The following CCAR1 variants were observed in gnomAD, a reference collection of about 807,000 sequenced individuals.
The protein encoded by CCAR1 is cell division cycle and apoptosis regulator 1, also known as cell division cycle and apoptosis regulator protein 1.
In CCAR1, 78 loss-of-function variants were observed where a neutral mutation model predicts 163.8. That is an observed-to-expected ratio of 0.48 (90% CI 0.40 to 0.57). CCAR1 has a LOEUF of 0.57. CCAR1 is among the 20% of genes least tolerant of loss of function. CCAR1 has a pLI of 0.00. For missense variants in CCAR1, 1,019 were observed against 1,365.2 expected, an observed-to-expected ratio of 0.75 and a Z score of 4.00; for synonymous variants, 443 against 460.7, an observed-to-expected ratio of 0.96 and a Z score of 0.49.
intron 2 of CCAR1, 86 bp from the exon 3 acceptor site, chr10:68,736,790 G>A (rs990528702): frequency 6.2e-6 from 7 of 1,128,308 alleles, no homozygotes; most frequent in East Asian, 5.0e-5. Flanking sequence ...ATGGGGGTGC[G>A]GGTATCTCTT....
chr10:68,730,526 C>T (rs2056022720), intron 2 of CCAR1, among the ~76,000 whole-genome samples: 1 of 150,876 alleles, frequency 6.6e-6, no homozygotes, highest in Non-Finnish European at 1.5e-5. Flanking sequence ...TTAGTAGAGA[C>T]AGGGTTTCAC....
chr10:68,742,036 T>C (rs949935101), intron 5 of CCAR1, among the ~76,000 whole-genome samples: 1 of 152,202 alleles, frequency 6.6e-6, no homozygotes, highest in Non-Finnish European at 1.5e-5. Context: ...CATAACACAT[T>C]ACTAGTATCT....
At chr10:68,722,645 C>G in intron 2 of CCAR1, 68 bp downstream of exon 2, 2 of 1,250,170 alleles carry the variant, frequency 1.6e-6, no homozygotes, top group Non-Finnish European at 2.3e-6. Flanking sequence ...TGAATTAGGG[C>G]CGGGGGTGGT....
chr10:68,729,611 G>A lies in CCAR1; in HGVS notation c.73+7034G>A, dbSNP rs1231285524. 4.0e-5 allele frequency among the ~76,000 whole-genome samples: 6 copies of A among 151,546 alleles called. 1 individual carries two copies. In the South Asian group the frequency reaches 6.2e-4, roughly 16 times the overall value. ...GTAATCCTAGCGCTTTGAGAGGGTC[G>A]CTTGATTCCAGGAGTTTGAGACCAA... On this transcript the variant is annotated intron_variant, in intron 2 of 24. Transcript: ENST00000265872.
In CCAR1 at chr10:68,768,113, G is replaced by A. The variant is rs1283880447; in HGVS notation, c.2298+2034G>A. ...AAGGTCATTGTTTACCAACTGGTAAGATGAAAATCAAGGATGACTAGAGAC... is the reference window on the plus strand; with the variant it reads ...AAGGTCATTGTTTACCAACTGGTAAAATGAAAATCAAGGATGACTAGAGAC... On this transcript the variant is annotated intron_variant, in intron 17 of 24. Coordinates refer to ENST00000265872, the MANE Select transcript of CCAR1 (RefSeq NM_018237.4). 4.6e-5 allele frequency among the ~76,000 whole-genome samples: 7 copies of A among 152,288 alleles called. No homozygotes were observed. In the East Asian group the frequency reaches 1.2e-3, roughly 25 times the overall value.
intron 15 of CCAR1, among the ~76,000 whole-genome samples, chr10:68,758,536 GTGTGTGTGTA>G: frequency 6.8e-6 from 1 of 147,096 alleles, no homozygotes; most frequent in East Asian, 2.0e-4. Flanking sequence ...GTGTGTGTGT[GTGTGTGTGTA>G]TACAGTGTAT....
chr10:68,772,865 C>T (rs2056620364), intron 18 of CCAR1, 123 bp from the exon 19 acceptor site: 1 of 426,260 alleles, frequency 2.3e-6, no homozygotes, highest in South Asian at 4.2e-5. Context: ...AATCCTAGCC[C>T]TTCAGAAGGC....
intron 2 of CCAR1, among the ~76,000 whole-genome samples, chr10:68,726,427 A>C (rs1394853014): frequency 1.3e-5 from 2 of 152,074 alleles, no homozygotes; most frequent in Non-Finnish European, 2.9e-5. Flanking sequence ...CTGGGATTAC[A>C]GGCGTGAGCC....
At chr10:68,758,633 ATATATACACACGTG>A (rs1564541711) in intron 15 of CCAR1, among the ~76,000 whole-genome samples, 7 of 112,196 alleles carry the variant, frequency 6.2e-5, no homozygotes, top group East Asian at 2.3e-4. Flanking sequence ...ATATATATGT[ATATATACACACGTG>A]TATATATATA....
In CCAR1 at chr10:68,737,025, G is replaced by A; in HGVS notation, c.223G>A (p.Ala75Thr). 1 of 1,613,334 alleles carries A rather than the reference G, an allele frequency of 6.2e-7. No individual in the cohort carries two copies. The highest frequency in any genetic ancestry group is 8.5e-7 in the Non-Finnish European group (1 of 1,179,480). Residue 75 changes from alanine (A) to threonine (T), a missense_variant, in exon 3 of 25, where the codon GCT becomes ACT. Physicochemically the swap from Ala to Thr is moderately conservative, Grantham distance 58 (BLOSUM62 0). Around this residue, in one of 4 missense-constraint regions of CCAR1, gnomAD observed 644 missense variants for 904.4 expected, o/e 0.71. Coordinates refer to ENST00000265872, the MANE Select transcript of CCAR1 (RefSeq NM_018237.4). ...QTAALQQQAAAAAAALQQQYS... is the reference protein window; with the variant it reads ...QTAALQQQAATAAAALQQQYS... ...TGCTGCATTGCAGCAACAAGCCGCA[G>A]CTGCAGCAGCTGCATTACAACAGGT... is the stretch of plus-strand genomic sequence containing the variant.
chr10:68,742,584 G>A lies in CCAR1; in HGVS notation c.518+15G>A. The A allele has an allele frequency of 6.3e-7, 1 of 1,590,216 alleles. No individual in the cohort carries two copies. The highest frequency in any genetic ancestry group is 1.1e-5 in the South Asian group (1 of 89,940). On this transcript the variant is annotated intron_variant, in intron 6 of 24. Coordinates refer to ENST00000265872, the MANE Select transcript of CCAR1 (RefSeq NM_018237.4). ...TTTCAGCTTAGGTAAACTTAATGAG[G>A]TCTTGTCACATGGCTTCTTGCATTT...
In CCAR1 at chr10:68,786,736, A is replaced by G. The variant is rs759852704; in HGVS notation, c.2880+44A>G. Reference sequence around the variant, plus strand: ...ATTTAAAAGGAAAACATTTTTTAAAAGTTACCTTTCCAGTGAAAAGTTAAT... The same window carrying G: ...ATTTAAAAGGAAAACATTTTTTAAAGGTTACCTTTCCAGTGAAAAGTTAAT... On this transcript the variant is annotated intron_variant, in intron 21 of 24. Transcript: ENST00000265872. The G allele has an allele frequency of 5.3e-6, 8 of 1,510,826 alleles. No homozygotes were observed. In the South Asian group the frequency reaches 9.8e-5, roughly 19 times the overall value. 93.6% of individuals were successfully genotyped at this position (1,510,826 alleles called of 1,614,324 possible). A position where few individuals can be genotyped will look rare whatever the true frequency, so the allele number is the denominator to read the frequency against.
chr10:68,758,558 CAT>C (rs1305032708), intron 15 of CCAR1, among the ~76,000 whole-genome samples: 27 of 136,282 alleles, frequency 2.0e-4, no homozygotes, highest in East Asian at 6.8e-4. Context: ...ACAGTGTATA[CAT>C]ATATATATGT....
At chr10:68,781,734 C>T (rs924147627) in intron 19 of CCAR1, among the ~76,000 whole-genome samples, 1 of 151,830 alleles carries the variant, frequency 6.6e-6, no homozygotes, top group Non-Finnish European at 1.5e-5. Context: ...CCTGTGGTCC[C>T]AGATACTTTT....
At chr10:68,751,986 G>A (rs1447040613) in intron 10 of CCAR1, among the ~76,000 whole-genome samples, 6 of 142,186 alleles carry the variant, frequency 4.2e-5, no homozygotes, top group South Asian at 4.7e-4. Context: ...GCTCAATCTC[G>A]GCCCACTGCA....
At chr10:68,755,302 C>G in intron 12 of CCAR1, 68 bp from the exon 13 acceptor site, 1 of 1,385,410 alleles carries the variant, frequency 7.2e-7, no homozygotes, top group Non-Finnish European at 1.0e-6. Flanking sequence ...ACCTTTCCTT[C>G]TCAAGTATCT....
chr10:68,747,217 A>G lies in CCAR1; in HGVS notation c.575A>G (p.Tyr192Cys). ...VGDRVLVEAT[Y>C]NPNMPFKWNA... ...GACAGAGTATTGGTTGAAGCTACTT[A>G]TAATCCTAATATGCCTTTTAAATGG... The change falls in exon 7 of 25, where the codon TAT (tyrosine) becomes TGT (cysteine). Residue 192 changes from tyrosine to cysteine, a missense_variant. Physicochemically the swap from Tyr to Cys is radical, Grantham distance 194. Coordinates refer to ENST00000265872, the MANE Select transcript of CCAR1 (RefSeq NM_018237.4). The G allele has an allele frequency of 6.2e-7, 1 of 1,612,034 alleles. No homozygotes were observed. The highest frequency in any genetic ancestry group is 8.5e-7 in the Non-Finnish European group (1 of 1,179,342).
In CCAR1 at chr10:68,792,314, A is replaced by T. The variant is rs2056858710; in HGVS notation, c.*1048A>T. Reference sequence around the variant, plus strand: ...CAAATTTACAGTTTAGTACCAAGCCAGTAGATGTCAGTATGATGCCTTAAA... The same window carrying T: ...CAAATTTACAGTTTAGTACCAAGCCTGTAGATGTCAGTATGATGCCTTAAA... On this transcript the variant is annotated 3_prime_UTR_variant, in exon 25 of 25. Coordinates refer to ENST00000265872, the MANE Select transcript of CCAR1 (RefSeq NM_018237.4). 6.6e-6 allele frequency: 1 copy of T among 152,188 alleles called. No homozygotes were observed. The highest frequency in any genetic ancestry group is 1.5e-5 in the Non-Finnish European group (1 of 68,038). The allele number at this position is 152,188 out of a possible 1,614,324, so 9.4% of individuals were successfully genotyped here.
intron 19 of CCAR1, among the ~76,000 whole-genome samples, chr10:68,779,261 CT>C (rs5785871): frequency 0.86 from 124,197 of 143,828 alleles, 53,496 homozygotes; most frequent in African/African-American, 0.89. Flanking sequence ...CAATAAGATA[CT>C]TTTTTTTTTT....
Sources: gnomAD v4.1 joint callset for allele counts (sites outside exome capture counted in the v4.1 genomes callset) on GRCh38, gnomAD v4.1.1 for gene constraint, gnomAD v4.1.1 regional missense constraint, MANE v1.5 for transcripts, NCBI Gene and HGNC (gene_info 2026-07-23, HGNC 2026-07-21) for gene names.